Variants in HS2ST1 observed in about 807,000 individuals in gnomAD.
The protein encoded by HS2ST1 is 2-O-sulfotransferase.
HS2ST1 carries 18 observed loss-of-function variants against 42.9 expected under a neutral mutation model. That is an observed-to-expected ratio of 0.42 (90% confidence interval 0.29 to 0.62). The LOEUF is 0.62. HS2ST1 is among the 20% of genes least tolerant of loss of function. The pLI, the probability that HS2ST1 is intolerant of heterozygous loss-of-function variation, is 0.21. For synonymous variants in HS2ST1, 146 were observed against 152.9 expected, an observed-to-expected ratio of 0.95 and a Z score of 0.33; for missense variants, 334 against 433.8, an observed-to-expected ratio of 0.77 and a Z score of 2.04.
intron 1 of HS2ST1, among the ~76,000 whole-genome samples, chr1:87,035,398 A>G (rs1313770207): frequency 1.3e-5 from 2 of 152,182 alleles, no homozygotes; most frequent in African/African-American, 4.8e-5. Flanking sequence ...CTTTTCATGT[A>G]CTCAGGGAGA....
chr1:86,963,987 C>A (rs1647952959), intron 1 of HS2ST1, among the ~76,000 whole-genome samples: 1 of 151,704 alleles, frequency 6.6e-6, no homozygotes. Flanking sequence ...AGGGGCTCCT[C>A]ACTTCTCAGA....
intron 1 of HS2ST1, among the ~76,000 whole-genome samples, chr1:87,012,653 C>T (rs1270572528): frequency 6.6e-6 from 1 of 152,198 alleles, no homozygotes; most frequent in East Asian, 1.9e-4. Flanking sequence ...ATCATGCCTT[C>T]CCAAAGTCTT....
intron 1 of HS2ST1, among the ~76,000 whole-genome samples, chr1:86,975,991 A>G (rs1209583321): frequency 6.6e-6 from 1 of 152,222 alleles, no homozygotes; most frequent in Admixed American, 6.5e-5. Flanking sequence ...TGCCATGGCA[A>G]ATGTATCTTT....
rs551951460 is a variant in HS2ST1, at chr1:86,920,005, G to A, written c.124+4845G>A. Among the ~76,000 whole-genome samples, 4 of 152,250 alleles carry A rather than the reference G, an allele frequency of 2.6e-5. No individual in the cohort carries two copies. The South Asian group carries it at 6.2e-4, about 24-fold the overall frequency. ...TGGCTGGTAAAAAGTAGTTCTTCCC[G>A]AATTTCAAGAGCGCACTTGTTGCTA... On this transcript the variant is annotated intron_variant, in intron 1 of 6. Coordinates refer to ENST00000370550, the MANE Select transcript of HS2ST1 (RefSeq NM_012262.4).
chr1:87,041,235 A>C (rs1263795382), intron 1 of HS2ST1, among the ~76,000 whole-genome samples: 3 of 94,572 alleles, frequency 3.2e-5, no homozygotes, highest in African/African-American at 1.1e-4. Context: ...TAAAAAAAAA[A>C]AAAAACAAAA....
chr1:87,029,772 G>C (rs1428959459), intron 1 of HS2ST1, among the ~76,000 whole-genome samples: 1 of 152,136 alleles, frequency 6.6e-6, no homozygotes, highest in Non-Finnish European at 1.5e-5. Context: ...ATGATGGTAG[G>C]GAAAATGACT....
intron 1 of HS2ST1, among the ~76,000 whole-genome samples, chr1:86,920,093 T>A (rs1190765657): frequency 5.3e-5 from 8 of 152,218 alleles, no homozygotes; most frequent in Admixed American, 5.2e-4. Flanking sequence ...ACTATGTGCT[T>A]GGTAACTTTA....
At chr1:86,924,802 G>A (rs952295009) in intron 1 of HS2ST1, among the ~76,000 whole-genome samples, 1 of 152,038 alleles carries the variant, frequency 6.6e-6, no homozygotes, top group East Asian at 1.9e-4. Flanking sequence ...GGCCTGTGAT[G>A]GGGGGGCACT....
intron 1 of HS2ST1, among the ~76,000 whole-genome samples, chr1:86,942,084 C>G (rs947617772): frequency 6.6e-6 from 1 of 152,048 alleles, no homozygotes; most frequent in Non-Finnish European, 1.5e-5. Context: ...AAAGACTTTC[C>G]TAATAAAAAT....
At chr1:87,026,644 G>C (rs1356289856) in intron 1 of HS2ST1, among the ~76,000 whole-genome samples, 1 of 151,968 alleles carries the variant, frequency 6.6e-6, no homozygotes, top group South Asian at 2.1e-4. Context: ...TTAGTTACAA[G>C]GTTTAAATTC....
chr1:86,955,021 T>A (rs1278426959), intron 1 of HS2ST1, among the ~76,000 whole-genome samples: 2 of 152,000 alleles, frequency 1.3e-5, no homozygotes, highest in African/African-American at 4.8e-5. Context: ...TCACTTGAAC[T>A]GGGGAGATCG....
At chr1:86,981,679 G>C (rs926045296) in intron 1 of HS2ST1, among the ~76,000 whole-genome samples, 1 of 152,230 alleles carries the variant, frequency 6.6e-6, no homozygotes, top group Non-Finnish European at 1.5e-5. Context: ...CAAGGGATAG[G>C]CTCCCACGGC....
intron 1 of HS2ST1, among the ~76,000 whole-genome samples, chr1:87,000,957 T>C (rs185225501): frequency 4.3e-4 from 66 of 152,302 alleles, no homozygotes; most frequent in Non-Finnish European, 7.4e-4. Flanking sequence ...ATGCCTGCAG[T>C]ATATTGGTTT....
chr1:87,056,246 C>G (rs1307247872), intron 1 of HS2ST1, among the ~76,000 whole-genome samples: 1 of 152,196 alleles, frequency 6.6e-6, no homozygotes, highest in African/African-American at 2.4e-5. Flanking sequence ...CTATTTTCTG[C>G]ATATGTCAGT....
chr1:86,979,002 C>T (rs973312526), intron 1 of HS2ST1, among the ~76,000 whole-genome samples: 2 of 151,470 alleles, frequency 1.3e-5, no homozygotes, highest in African/African-American at 4.9e-5. Flanking sequence ...GCTGGGATTA[C>T]AGGCACGCGC....
chr1:87,077,664 C>A lies in HS2ST1; in HGVS notation c.363+4492C>A, dbSNP rs564601620. Among the ~76,000 whole-genome samples the A allele has an allele frequency of 2.6e-5, 4 of 152,332 alleles. No homozygotes were observed. In the South Asian group the frequency reaches 8.3e-4, roughly 32 times the overall value. On this transcript the variant is annotated intron_variant, in intron 2 of 6. Transcript: ENST00000370550. ...AGATCTTTAAGGATAGGAACCTTGT[C>A]TGTCTTGTTCACTACTATATCCCTT... is the stretch of plus-strand genomic sequence containing the variant.
At chr1:87,015,343 G>T (rs1396395173) in intron 1 of HS2ST1, among the ~76,000 whole-genome samples, 1 of 115,650 alleles carries the variant, frequency 8.6e-6, no homozygotes, top group Non-Finnish European at 1.7e-5. Context: ...AACGTGCCTG[G>T]CCCTGTTTTT....
At chr1:87,084,984 A>T (rs963940477) in intron 3 of HS2ST1, among the ~76,000 whole-genome samples, 2 of 152,012 alleles carry the variant, frequency 1.3e-5, no homozygotes, top group South Asian at 4.1e-4. Flanking sequence ...GGTTCAGAAA[A>T]CTATATGCCT....
chr1:86,933,364 G>A (rs953259855), intron 1 of HS2ST1, among the ~76,000 whole-genome samples: 18 of 152,134 alleles, frequency 1.2e-4, no homozygotes, highest in Admixed American at 8.5e-4. Context: ...AATTCTTTTT[G>A]CCTTTCAGTT....
Sources: allele counts gnomAD v4.1 joint callset (sites outside exome capture counted in the v4.1 genomes callset), GRCh38; gene constraint gnomAD v4.1.1; transcripts MANE v1.5; gene names NCBI Gene and HGNC (gene_info 2026-07-23, HGNC 2026-07-21).